TMEM164: variants seen among roughly 807,000 people sequenced by gnomAD.
The protein encoded by TMEM164 is transmembrane protein 164.
TMEM164 carries 4 observed loss-of-function variants against 18.8 expected under a neutral mutation model. The ratio of observed to expected loss-of-function variants is 0.21; its 90% CI spans 0.10 to 0.49. The LOEUF is 0.49. Ranked by LOEUF, TMEM164 falls within the 20% of genes least tolerant of loss-of-function variation. The probability of loss-of-function intolerance (pLI) is 0.98; values close to 1 mark genes in which losing one functional copy is unlikely to be tolerated. For synonymous variants in TMEM164, 86 were observed against 101.7 expected (o/e 0.85, Z 0.93); for missense variants, 108 against 239.9 (o/e 0.45, Z 3.63).
intron 4 of TMEM164, among the ~76,000 whole-genome samples, chrX:110,125,003 T>C (rs749093930): frequency 9.8e-5 from 11 of 112,517 alleles, no homozygotes; most frequent in Non-Finnish European, 1.9e-4. Flanking sequence ...TCATCAAAGA[T>C]ACCTAGTCAG....
chrX:110,122,985 TG>T (rs2066472821), intron 4 of TMEM164, among the ~76,000 whole-genome samples: 1 of 112,490 alleles, frequency 8.9e-6, no homozygotes, highest in Non-Finnish European at 1.9e-5. Flanking sequence ...AAGAAACTGT[TG>T]TCTAGTCCAA....
intron 3 of TMEM164, among the ~76,000 whole-genome samples, chrX:110,093,465 G>T (rs2065964685): frequency 8.9e-6 from 1 of 112,101 alleles, no homozygotes; most frequent in Admixed American, 9.4e-5. Flanking sequence ...AGATTTTCTA[G>T]TTTATTTGTG....
chrX:110,073,082 AGT>A (rs1468693484), intron 3 of TMEM164, among the ~76,000 whole-genome samples: 2 of 110,711 alleles, frequency 1.8e-5, no homozygotes, highest in African/African-American at 3.3e-5. Flanking sequence ...CCCAGGCTGG[AGT>A]GCAGTGTTGA....
At chrX:110,157,448 C>T (rs976872872) in intron 5 of TMEM164, among the ~76,000 whole-genome samples, 1 of 111,519 alleles carries the variant, frequency 9.0e-6, no homozygotes, top group Non-Finnish European at 1.9e-5. Flanking sequence ...CCTTTCTCCC[C>T]CTCCCTTTCT....
At chrX:110,124,894 G>T (rs1602668077) in intron 4 of TMEM164, among the ~76,000 whole-genome samples, 1 of 111,932 alleles carries the variant, frequency 8.9e-6, no homozygotes, top group South Asian at 3.7e-4. Context: ...TTAACTGTAA[G>T]TATTTCATTA....
chrX:110,126,930 A>C (rs1366066488), intron 4 of TMEM164, among the ~76,000 whole-genome samples: 1 of 107,255 alleles, frequency 9.3e-6, no homozygotes, highest in Non-Finnish European at 1.9e-5. Context: ...GATTGAAGAG[A>C]AGGTCAATTT....
intron 2 of TMEM164, among the ~76,000 whole-genome samples, chrX:110,036,368 G>A: frequency 8.9e-6 from 1 of 112,074 alleles, no homozygotes; most frequent in Non-Finnish European, 1.9e-5. Context: ...TTGAATCCCT[G>A]TAGCACTGTG....
chrX:110,022,168 ATGTGTTC>A (rs1461006805), intron 2 of TMEM164, among the ~76,000 whole-genome samples: 1 of 110,574 alleles, frequency 9.0e-6, no homozygotes, highest in Non-Finnish European at 1.9e-5. Context: ...ACTGGATTAA[ATGTGTTC>A]TGAGCCTAAA....
intron 2 of TMEM164, among the ~76,000 whole-genome samples, chrX:110,042,130 C>CTT (rs1261148402): frequency 9.7e-6 from 1 of 102,993 alleles, no homozygotes; most frequent in Non-Finnish European, 2.0e-5. Context: ...ATTTCTAGCA[C>CTT]TTTTTTTTTT....
At chrX:110,148,469 C>G (rs1285785834) in intron 5 of TMEM164, among the ~76,000 whole-genome samples, 1 of 111,056 alleles carries the variant, frequency 9.0e-6, no homozygotes, top group Non-Finnish European at 1.9e-5. Flanking sequence ...GAGCCTCATT[C>G]TATCAATTAA....
intron 4 of TMEM164, among the ~76,000 whole-genome samples, chrX:110,139,055 A>G (rs894924419): frequency 1.8e-5 from 2 of 112,706 alleles, no homozygotes; most frequent in Admixed American, 9.4e-5. Context: ...GTAAAGTATA[A>G]AGGAAAGCAG....
At chrX:110,097,794 A>C (rs1009499910) in intron 3 of TMEM164, among the ~76,000 whole-genome samples, 9 of 112,081 alleles carry the variant, frequency 8.0e-5, no homozygotes. Context: ...TGTAAAGAAA[A>C]AACTAGGGCA....
intron 4 of TMEM164, among the ~76,000 whole-genome samples, chrX:110,130,355 G>GT (rs985632100): frequency 8.9e-6 from 1 of 111,910 alleles, no homozygotes; most frequent in African/African-American, 3.2e-5. Flanking sequence ...GGCTCTGTAA[G>GT]TTACGTTGGG....
At chrX:110,137,542 C>T (rs1471774785) in intron 4 of TMEM164, among the ~76,000 whole-genome samples, 1 of 112,202 alleles carries the variant, frequency 8.9e-6, no homozygotes, top group African/African-American at 3.2e-5. Context: ...GGTCCCTCTG[C>T]CTCAAGTAGC....
intron 2 of TMEM164, among the ~76,000 whole-genome samples, chrX:110,038,175 A>G (rs1383473121): frequency 9.3e-6 from 1 of 108,005 alleles, no homozygotes; most frequent in Non-Finnish European, 1.9e-5. Flanking sequence ...TATTTTTAGT[A>G]GAGAACGGGG....
At chrX:110,125,720 TC>T (rs1428926696) in intron 4 of TMEM164, among the ~76,000 whole-genome samples, 1 of 112,560 alleles carries the variant, frequency 8.9e-6, no homozygotes, top group Non-Finnish European at 1.9e-5. Flanking sequence ...TTAGAAACAT[TC>T]CCATTGTTCA....
chrX:110,129,728 G>A (rs2066586351), intron 4 of TMEM164, among the ~76,000 whole-genome samples: 1 of 112,100 alleles, frequency 8.9e-6, no homozygotes, highest in Admixed American at 9.5e-5. Flanking sequence ...GAGCAACCAG[G>A]AGGACATTCT....
At chrX:110,090,747 T>C (rs755787457) in intron 3 of TMEM164, among the ~76,000 whole-genome samples, 9 of 111,701 alleles carry the variant, frequency 8.1e-5, no homozygotes, top group Non-Finnish European at 1.5e-4. Context: ...CTAGGGTACA[T>C]GTGCACAACA....
At chrX:110,142,352 G>A (rs1315504502) in intron 4 of TMEM164, among the ~76,000 whole-genome samples, 4 of 112,101 alleles carry the variant, frequency 3.6e-5, no homozygotes, top group East Asian at 2.8e-4. Context: ...TCCTCCCCAC[G>A]GGGCATCTCC....
Sources: allele counts gnomAD v4.1 joint callset (sites outside exome capture counted in the v4.1 genomes callset), GRCh38; gene constraint gnomAD v4.1.1; transcripts MANE v1.5; gene names NCBI Gene and HGNC (gene_info 2026-07-23, HGNC 2026-07-21).